ACTA2: variants seen among roughly 807,000 people sequenced by gnomAD.
ACTA2 encodes the protein actin alpha 2, smooth muscle.
In ACTA2, 12 loss-of-function variants were observed where a neutral mutation model predicts 39.5. The observed-to-expected ratio is 0.30, with a 90% CI of 0.19 to 0.49. ACTA2 has a LOEUF of 0.49. Among genes scored for constraint, ACTA2 ranks in the 20% least tolerant of loss-of-function variants. The pLI, the probability that ACTA2 is intolerant of heterozygous loss-of-function variation, is 0.99. For missense variants in ACTA2, 236 were observed against 498.8 expected (o/e 0.47, Z 5.02); for synonymous variants, 158 against 180.6 (o/e 0.88, Z 1.00).
chr10:88,954,218 G>T (rs551562201), upstream of ACTA2, among the ~76,000 whole-genome samples: 7 of 152,258 alleles, frequency 4.6e-5, no homozygotes, highest in South Asian at 1.2e-3. Flanking sequence ...TGTCAGATCT[G>T]TTTGATTAAT....
chr10:88,984,314 G>T (rs1443204328), intron 1 of ACTA2, among the ~76,000 whole-genome samples: 1 of 152,166 alleles, frequency 6.6e-6, no homozygotes, highest in East Asian at 1.9e-4. Context: ...AGAGTCTAAA[G>T]TGGGAGGTGT....
At chr10:88,959,817 T>A (rs1356905112) in intron 1 of ACTA2, among the ~76,000 whole-genome samples, 2 of 151,582 alleles carry the variant, frequency 1.3e-5, no homozygotes, top group African/African-American at 4.8e-5. Flanking sequence ...TTTCTCAGAC[T>A]TTTCTTATTT....
intron 1 of ACTA2, among the ~76,000 whole-genome samples, chr10:88,952,422 C>T (rs1164849895): frequency 6.6e-6 from 1 of 152,196 alleles, no homozygotes; most frequent in African/African-American, 2.4e-5. Flanking sequence ...CACAGCTAAC[C>T]TGCATACCTG....
At chr10:88,975,895 T>C (rs772326574) in intron 1 of ACTA2, among the ~76,000 whole-genome samples, 17 of 152,298 alleles carry the variant, frequency 1.1e-4, no homozygotes, top group Non-Finnish European at 2.4e-4. Context: ...TGTTATACCA[T>C]AATACTATGC....
chr10:88,956,897 GCCAT>G (rs1349983187), upstream of ACTA2, among the ~76,000 whole-genome samples: 3 of 152,202 alleles, frequency 2.0e-5, no homozygotes, highest in African/African-American at 7.2e-5. Context: ...TTCTTGATGT[GCCAT>G]CCCATGGTGG....
intron 1 of ACTA2, among the ~76,000 whole-genome samples, chr10:88,981,366 G>T (rs1424147136): frequency 1.4e-5 from 2 of 143,800 alleles, no homozygotes; most frequent in Non-Finnish European, 3.0e-5. Context: ...TTAACCATCG[G>T]GTTAAGAGAG....
chr10:88,951,430 A>G (rs958733763), intron 1 of ACTA2, among the ~76,000 whole-genome samples: 1 of 152,098 alleles, frequency 6.6e-6, no homozygotes, highest in Non-Finnish European at 1.5e-5. Flanking sequence ...GGAGGGGTTG[A>G]CTATACTCAG....
chr10:88,965,869 G>C (rs1303475907), intron 1 of ACTA2, among the ~76,000 whole-genome samples: 1 of 152,112 alleles, frequency 6.6e-6, no homozygotes, highest in South Asian at 2.1e-4. Flanking sequence ...TTTTGAGAGA[G>C]CCCTGCCAAA....
At chr10:88,966,906 C>T (rs1014810986) in intron 1 of ACTA2, among the ~76,000 whole-genome samples, 14 of 152,194 alleles carry the variant, frequency 9.2e-5, no homozygotes, top group Non-Finnish European at 5.9e-5. Context: ...ATGGGAAGCA[C>T]TGGAAGCTTA....
intron 7 of ACTA2, among the ~76,000 whole-genome samples, chr10:88,938,845 TAAC>T (rs113345154): frequency 0.15 from 22,440 of 152,070 alleles, 1,712 homozygotes; most frequent in African/African-American, 0.19. Flanking sequence ...ATGATAACGT[TAAC>T]AATAGCACTA....
At chr10:88,963,285 A>G (rs1042684318) in intron 1 of ACTA2, among the ~76,000 whole-genome samples, 13 of 152,032 alleles carry the variant, frequency 8.6e-5, no homozygotes, top group Non-Finnish European at 1.5e-4. Flanking sequence ...CTAATGTCTT[A>G]GTGTAAATTT....
chr10:88,973,388 T>C, intron 1 of ACTA2: 1 of 1,416,564 alleles, frequency 7.1e-7, no homozygotes, highest in Non-Finnish European at 9.3e-7. Context: ...TGAAAATCTT[T>C]CATAGAGTTC....
chr10:88,939,265 A>T, intron 7 of ACTA2: 1 of 557,346 alleles, frequency 1.8e-6, no homozygotes, highest in Non-Finnish European at 3.2e-6. Context: ...TAATTCTTTC[A>T]TCATACACCA....
chr10:88,959,670 ATATT>A (rs1212319043), intron 1 of ACTA2, among the ~76,000 whole-genome samples: 1 of 152,202 alleles, frequency 6.6e-6, no homozygotes, highest in Non-Finnish European at 1.5e-5. Flanking sequence ...TAATGAACTG[ATATT>A]TATACATTTT....
rs2133381092 is a variant in ACTA2 at position 88,990,535 on chromosome 10, C to A, written c.-24+404G>T. 3 of 617,636 alleles carry A rather than the reference C, an allele frequency of 4.9e-6. No individual in the cohort carries two copies. The East Asian group carries it at 9.8e-5, about 20-fold the overall frequency. The allele number at this position is 617,636 out of a possible 1,614,324, so 38.3% of individuals were successfully genotyped here. ...TCACCCTGACTTCTCCCCCTCCCTACCCGCGCGCAGGCCAAGTTGCTGAAT... is the reference window on the plus strand; with the variant it reads ...TCACCCTGACTTCTCCCCCTCCCTAACCGCGCGCAGGCCAAGTTGCTGAAT... On this transcript the variant is annotated intron_variant, in intron 1 of 4. Transcript: ENST00000415557. The surrounding 1 kb of genome is among the most constrained non-coding windows in gnomAD (Gnocchi z 4.9).
chr10:88,962,959 AT>A (rs1846257851), intron 1 of ACTA2, among the ~76,000 whole-genome samples: 2 of 34,102 alleles, frequency 5.9e-5, no homozygotes, highest in African/African-American at 4.8e-4. Context: ...ATATATATAT[AT>A]ATATATATAT....
intron 1 of ACTA2, chr10:88,973,531 C>T: frequency 2.3e-6 from 1 of 439,094 alleles, no homozygotes; most frequent in South Asian, 6.7e-5. Context: ...GTCACCTTGG[C>T]TCTGTTTGGG....
At chr10:88,987,508 T>C (rs150023236) in intron 1 of ACTA2, among the ~76,000 whole-genome samples, 1,558 of 152,354 alleles carry the variant, frequency 0.01, 17 homozygotes, top group Non-Finnish European at 0.017. Flanking sequence ...ATGAGTTGAC[T>C]GTTTTCAGCT....
intron 1 of ACTA2, among the ~76,000 whole-genome samples, chr10:88,984,073 C>T (rs1036656705): frequency 1.3e-5 from 2 of 152,164 alleles, no homozygotes; most frequent in African/African-American, 2.4e-5. Flanking sequence ...GGGAGGGTTA[C>T]TATCATTCCT....
Sources: gnomAD v4.1 joint callset for allele counts (sites outside exome capture counted in the v4.1 genomes callset) on GRCh38, gnomAD v4.1.1 for gene constraint, Gnocchi (gnomAD v3.1) non-coding constraint, MANE v1.5 for transcripts, NCBI Gene and HGNC (gene_info 2026-07-23, HGNC 2026-07-21) for gene names.